The following RCAN2 variants were observed in gnomAD, a reference collection of about 807,000 sequenced individuals.
The protein encoded by RCAN2 is calcipressin-2.
RCAN2 carries 9 observed loss-of-function variants against 23.6 expected under a neutral mutation model. The ratio of observed to expected loss-of-function variants is 0.38; its 90% confidence interval spans 0.23 to 0.67. RCAN2 has a LOEUF of 0.67. Among genes scored for constraint, RCAN2 ranks in the 30% least tolerant of loss-of-function variants. RCAN2 has a pLI of 0.51. For missense variants in RCAN2, 273 were observed against 302.3 expected (o/e 0.90, Z 0.72); for synonymous variants, 109 against 115.7 (o/e 0.94, Z 0.37).
At chr6:46,228,597 C>T (rs190490748) in intron 4 of RCAN2, among the ~76,000 whole-genome samples, 1 of 152,070 alleles carries the variant, frequency 6.6e-6, no homozygotes, top group Admixed American at 6.5e-5. Flanking sequence ...GGATTGCAAC[C>T]CCTGCTTTTT....
At chr6:46,406,668 A>T (rs2150405816) in intron 2 of RCAN2, among the ~76,000 whole-genome samples, 1 of 152,358 alleles carries the variant, frequency 6.6e-6, no homozygotes, top group South Asian at 2.1e-4. Context: ...CTTCTTTTAG[A>T]AAAGCCTTTG....
At chr6:46,292,254 C>A (rs1242491706) in intron 2 of RCAN2, among the ~76,000 whole-genome samples, 2 of 151,964 alleles carry the variant, frequency 1.3e-5, no homozygotes, top group Admixed American at 6.6e-5. Flanking sequence ...ATTAGTTGGC[C>A]CCCAAATTAA....
At chr6:46,472,397 T>C (rs958867038) in intron 1 of RCAN2, among the ~76,000 whole-genome samples, 1 of 152,226 alleles carries the variant, frequency 6.6e-6, no homozygotes, top group Non-Finnish European at 1.5e-5. Context: ...CATATCGCTA[T>C]ATTTAGGTAC....
At chr6:46,478,020 G>A (rs1768761113) in intron 1 of RCAN2, among the ~76,000 whole-genome samples, 3 of 152,178 alleles carry the variant, frequency 2.0e-5, no homozygotes, top group Admixed American at 2.0e-4. Flanking sequence ...CATGAAAGAT[G>A]AGCATTAAAA....
chr6:46,390,421 G>A (rs1193012445), intron 2 of RCAN2, among the ~76,000 whole-genome samples: 1 of 152,176 alleles, frequency 6.6e-6, no homozygotes, highest in Admixed American at 6.5e-5. Flanking sequence ...AAAACCCAGG[G>A]CTGAGCCTTT....
At chr6:46,338,810 T>C (rs12055796) in intron 2 of RCAN2, among the ~76,000 whole-genome samples, 75,363 of 151,446 alleles carry the variant, frequency 0.5, 18,963 homozygotes, top group East Asian at 0.61. Flanking sequence ...GCCAGGAGTT[T>C]GAGGCCAGTC....
intron 2 of RCAN2, among the ~76,000 whole-genome samples, chr6:46,373,542 C>T (rs1463082739): frequency 6.6e-6 from 1 of 152,186 alleles, no homozygotes; most frequent in Non-Finnish European, 1.5e-5. Context: ...CAGGTGTGAG[C>T]CACCATGCCC....
chr6:46,234,183 A>G (rs1054614336), intron 4 of RCAN2, among the ~76,000 whole-genome samples: 12 of 152,128 alleles, frequency 7.9e-5, no homozygotes, highest in African/African-American at 2.9e-4. Flanking sequence ...ACTTAATACC[A>G]TCAGATTGCT....
At chr6:46,324,954 G>T (rs182522962) in intron 2 of RCAN2, among the ~76,000 whole-genome samples, 1 of 152,324 alleles carries the variant, frequency 6.6e-6, no homozygotes, top group African/African-American at 2.4e-5. Context: ...CACATCACAG[G>T]ATATTTAAGT....
intron 2 of RCAN2, among the ~76,000 whole-genome samples, chr6:46,454,491 T>C (rs990761400): frequency 6.6e-6 from 1 of 152,112 alleles, no homozygotes; most frequent in Non-Finnish European, 1.5e-5. Flanking sequence ...TAAATCCATG[T>C]CAGATTATTT....
intron 2 of RCAN2, among the ~76,000 whole-genome samples, chr6:46,261,278 G>T (rs184658362): frequency 6.6e-6 from 1 of 152,258 alleles, no homozygotes; most frequent in Non-Finnish European, 1.5e-5. Context: ...GCAGTATAAA[G>T]TTATGTTACT....
At chr6:46,362,795 A>G (rs962168618) in intron 2 of RCAN2, among the ~76,000 whole-genome samples, 2 of 152,164 alleles carry the variant, frequency 1.3e-5, no homozygotes, top group African/African-American at 4.8e-5. Flanking sequence ...ATGGAAAAAT[A>G]CATATTTTCA....
intron 2 of RCAN2, among the ~76,000 whole-genome samples, chr6:46,413,427 T>G (rs1766605628): frequency 6.6e-6 from 1 of 152,300 alleles, no homozygotes; most frequent in East Asian, 1.9e-4. Flanking sequence ...TATGTGAAAT[T>G]CCCTTCAGTT....
At chr6:46,338,419 C>T (rs1347033623) in intron 2 of RCAN2, among the ~76,000 whole-genome samples, 3 of 152,112 alleles carry the variant, frequency 2.0e-5, no homozygotes, top group African/African-American at 7.2e-5. Flanking sequence ...TGGTCAAGCC[C>T]GAGTCACACA....
intron 2 of RCAN2, among the ~76,000 whole-genome samples, chr6:46,448,047 A>G (rs959663771): frequency 2.6e-5 from 4 of 151,812 alleles, no homozygotes; most frequent in African/African-American, 9.7e-5. Flanking sequence ...TTATCCAAAA[A>G]CTGAGTTGGC....
chr6:46,355,506 A>G (rs73451100), intron 2 of RCAN2, among the ~76,000 whole-genome samples: 2,949 of 152,240 alleles, frequency 0.019, 77 homozygotes, highest in African/African-American at 0.065. Context: ...GATAATGTCT[A>G]TGTCCGTTCT....
chr6:46,457,524 C>T (rs902040404), intron 1 of RCAN2, among the ~76,000 whole-genome samples: 4 of 152,126 alleles, frequency 2.6e-5, no homozygotes, highest in Non-Finnish European at 2.9e-5. Flanking sequence ...TCCTATGCCA[C>T]AGGAATGAAG....
chr6:46,388,341 T>C lies in RCAN2; in HGVS notation c.225+68411A>G, dbSNP rs576384085. On this transcript the variant is annotated intron_variant, in intron 2 of 4. Coordinates refer to ENST00000371374, the MANE Select transcript of RCAN2 (RefSeq NM_001251974.2). ...GGCTGTGGTGAAATATGAACACTTT[T>C]ACACTGTTGGTGGGAATGTTAGTTC... Among the ~76,000 whole-genome samples, 317 of 152,238 alleles carry C rather than the reference T, an allele frequency of 2.1e-3. 2 individuals carry two copies. Among genetic ancestry groups the C allele is most frequent in the African/African-American group, 7.2e-3 (298 of 41,556 alleles).
Position 46,446,435 on chromosome 6 carries a change from C to T in RCAN2, c.225+10317G>A, listed in dbSNP as rs542993191. ...GTTTATCACCACCAGACCTATTTTA[C>T]AAGAAATGCTAATGGGATTTCTTCA... On this transcript the variant is annotated intron_variant, in intron 2 of 4. Coordinates refer to ENST00000371374, the MANE Select transcript of RCAN2 (RefSeq NM_001251974.2). Among the ~76,000 whole-genome samples the T allele has an allele frequency of 2.9e-4, 44 of 152,194 alleles. 1 individual carries two copies. In the East Asian group the frequency reaches 7.5e-3, roughly 26 times the overall value.
Sources: gnomAD v4.1 joint callset for allele counts (sites outside exome capture counted in the v4.1 genomes callset) on GRCh38, gnomAD v4.1.1 for gene constraint, MANE v1.5 for transcripts, NCBI Gene and HGNC (gene_info 2026-07-23, HGNC 2026-07-21) for gene names.